Variants in ENTREP2 observed in about 807,000 individuals in gnomAD.
The protein encoded by ENTREP2 is endosomal transmembrane epsin interactor 2.
the ENTREP2 span, among the ~76,000 whole-genome samples, chr15:29,469,356 C>G: frequency 2.0e-5 from 3 of 152,158 alleles, no homozygotes; most frequent in Non-Finnish European, 2.9e-5. Flanking sequence ...CACGCCACCA[C>G]GCCCAGCTAA....
At chr15:29,409,623 C>A in the ENTREP2 span, among the ~76,000 whole-genome samples, 1 of 111,776 alleles carries the variant, frequency 8.9e-6, no homozygotes, top group Admixed American at 1.0e-4. Context: ...CCGTGCCCGG[C>A]CTATTTTTCT....
At chr15:29,389,460 C>A in the ENTREP2 span, among the ~76,000 whole-genome samples, 1 of 152,048 alleles carries the variant, frequency 6.6e-6, no homozygotes, top group Non-Finnish European at 1.5e-5. Context: ...GCTCCCAACA[C>A]CAATGCTTGA....
chr15:29,543,795 C>G, the ENTREP2 span, among the ~76,000 whole-genome samples: 44 of 151,466 alleles, frequency 2.9e-4, 1 homozygote, highest in East Asian at 8.4e-3. Context: ...AAAAAAAATC[C>G]CCCAAAAAAC....
chr15:29,151,246 G>T, the ENTREP2 span, among the ~76,000 whole-genome samples: 4 of 152,174 alleles, frequency 2.6e-5, no homozygotes, highest in Admixed American at 1.3e-4. Flanking sequence ...TGGGCAAAGG[G>T]TCAAATGATG....
chr15:29,410,068 T>C, the ENTREP2 span, among the ~76,000 whole-genome samples: 18 of 152,322 alleles, frequency 1.2e-4, no homozygotes, highest in Non-Finnish European at 2.4e-4. Context: ...TCACTGCAGA[T>C]GCTGCGTGCC....
chr15:29,430,397 G>A, the ENTREP2 span, among the ~76,000 whole-genome samples: 7 of 152,118 alleles, frequency 4.6e-5, no homozygotes, highest in Admixed American at 2.0e-4. Flanking sequence ...ACGTGTACTC[G>A]CCAGGCAGAG....
the ENTREP2 span, among the ~76,000 whole-genome samples, chr15:29,595,020 A>G: frequency 7.2e-6 from 1 of 138,530 alleles, no homozygotes; most frequent in Non-Finnish European, 1.5e-5. Context: ...GTGAGCCGAG[A>G]TCACGCCACT....
chr15:29,224,397 G>C, the ENTREP2 span, among the ~76,000 whole-genome samples: 1 of 152,118 alleles, frequency 6.6e-6, no homozygotes, highest in East Asian at 1.9e-4. Context: ...AACTGCGCCG[G>C]GTTGCCACTG....
At chr15:29,477,163 C>T in the ENTREP2 span, among the ~76,000 whole-genome samples, 1 of 152,098 alleles carries the variant, frequency 6.6e-6, no homozygotes, top group African/African-American at 2.4e-5. Flanking sequence ...CTAAATAATA[C>T]ATGTTGTATG....
the ENTREP2 span, chr15:29,268,376 A>AT: frequency 1.8e-5 from 3 of 165,506 alleles, no homozygotes; most frequent in Non-Finnish European, 3.9e-5. Context: ...ATAGGCAATT[A>AT]TTTTTTTTAA....
the ENTREP2 span, among the ~76,000 whole-genome samples, chr15:29,241,860 C>G: frequency 6.6e-6 from 1 of 151,836 alleles, no homozygotes. Context: ...CAGTGAGACC[C>G]CCCCCCACCA....
the ENTREP2 span, among the ~76,000 whole-genome samples, chr15:29,329,449 A>G: frequency 2.0e-5 from 3 of 152,154 alleles, no homozygotes; most frequent in African/African-American, 7.2e-5. Flanking sequence ...CCTAACTGAA[A>G]CCACGGAAAT....
chr15:29,422,339 G>A, the ENTREP2 span, among the ~76,000 whole-genome samples: 3 of 152,118 alleles, frequency 2.0e-5, no homozygotes, highest in African/African-American at 7.2e-5. Context: ...TGCTGAGCAG[G>A]TTATCTCTCA....
At chr15:29,611,102 C>G in the ENTREP2 span, 1 of 152,336 alleles carries the variant, frequency 6.6e-6, no homozygotes. Context: ...GATACTTTGC[C>G]TATAGAAACA....
chr15:29,513,267 C>A, the ENTREP2 span, among the ~76,000 whole-genome samples: 1 of 152,126 alleles, frequency 6.6e-6, no homozygotes, highest in African/African-American at 2.4e-5. Context: ...CAAAGCTAGT[C>A]GGTACACCCG....
chr15:29,296,005 C>T, the ENTREP2 span, among the ~76,000 whole-genome samples: 4 of 152,146 alleles, frequency 2.6e-5, no homozygotes, highest in African/African-American at 9.7e-5. Context: ...CATCCAATCA[C>T]GTGAAGGCCT....
At chr15:29,166,568 A>G in the ENTREP2 span, among the ~76,000 whole-genome samples, 6 of 152,212 alleles carry the variant, frequency 3.9e-5, no homozygotes. Flanking sequence ...AACCCCTTTT[A>G]CAATAGCTGC....
the ENTREP2 span, among the ~76,000 whole-genome samples, chr15:29,461,345 G>A: frequency 1.3e-5 from 2 of 152,046 alleles, no homozygotes; most frequent in African/African-American, 4.8e-5. Flanking sequence ...AACATGAGTT[G>A]CTTCTCAAAA....
the ENTREP2 span, among the ~76,000 whole-genome samples, chr15:29,440,689 G>A: frequency 1.3e-5 from 2 of 152,234 alleles, no homozygotes; most frequent in African/African-American, 4.8e-5. Flanking sequence ...GCTGGGCCCA[G>A]GATGACAAGG....
Sources: allele counts gnomAD v4.1 joint callset (sites outside exome capture counted in the v4.1 genomes callset), GRCh38; gene constraint gnomAD v4.1.1; transcripts MANE v1.5; gene names NCBI Gene and HGNC (gene_info 2026-07-23, HGNC 2026-07-21).